The following MGAT4C variants were observed in gnomAD, a reference collection of about 807,000 sequenced individuals.
MGAT4C encodes the protein MGAT4 family member C, also known as alpha-1,3-mannosyl-glycoprotein 4-beta-N-acetylglucosaminyltransferase C.
Under a neutral mutation model 40.1 loss-of-function variants are expected in MGAT4C, and 19 were observed. The ratio of observed to expected loss-of-function variants is 0.47; its 90% CI spans 0.33 to 0.70. The LOEUF is 0.70. Ranked by LOEUF, MGAT4C falls within the 30% of genes least tolerant of loss-of-function variation. The probability of loss-of-function intolerance (pLI) is 0.02; values close to 1 mark genes in which losing one functional copy is unlikely to be tolerated. For synonymous variants in MGAT4C, 181 were observed against 187.1 expected (o/e 0.97, Z 0.27); for missense variants, 491 against 563.2 (o/e 0.87, Z 1.30).
intron 2 of MGAT4C, among the ~76,000 whole-genome samples, chr12:86,631,769 G>C (rs1008116695): frequency 6.6e-6 from 1 of 152,096 alleles, no homozygotes; most frequent in African/African-American, 2.4e-5. Flanking sequence ...ATGGATTAAA[G>C]ACTTAAATGT....
chr12:86,342,084 G>T (rs1003808045), intron 3 of MGAT4C, among the ~76,000 whole-genome samples: 8 of 152,032 alleles, frequency 5.3e-5, no homozygotes, highest in African/African-American at 1.7e-4. Flanking sequence ...GGGGTCTCCA[G>T]CCATTTCTTA....
At chr12:86,660,211 G>A (rs903010413) in intron 2 of MGAT4C, among the ~76,000 whole-genome samples, 1 of 152,084 alleles carries the variant, frequency 6.6e-6, no homozygotes, top group Admixed American at 6.6e-5. Context: ...TAGATGTAGA[G>A]CCATTAACAA....
intron 2 of MGAT4C, among the ~76,000 whole-genome samples, chr12:86,039,824 G>C (rs1891628435): frequency 6.6e-6 from 1 of 152,152 alleles, no homozygotes; most frequent in Admixed American, 6.5e-5. Context: ...GTAATTGTCA[G>C]CCTTTTTGCA....
intron 2 of MGAT4C, among the ~76,000 whole-genome samples, chr12:86,448,567 T>G (rs966714252): frequency 1.3e-5 from 2 of 152,218 alleles, no homozygotes; most frequent in African/African-American, 4.8e-5. Context: ...GCAGGAACTT[T>G]TGTTTGTTTG....
intron 2 of MGAT4C, among the ~76,000 whole-genome samples, chr12:86,529,287 T>A (rs1455839716): frequency 6.6e-6 from 1 of 152,078 alleles, no homozygotes; most frequent in East Asian, 1.9e-4. Flanking sequence ...TAAATGTCAC[T>A]CTTATCTTTG....
intron 1 of MGAT4C, among the ~76,000 whole-genome samples, chr12:86,808,514 A>C (rs1455056798): frequency 3.9e-5 from 6 of 152,086 alleles, no homozygotes; most frequent in Non-Finnish European, 7.4e-5. Context: ...CATAAACAGA[A>C]CTAAAGACAA....
chr12:86,658,523 C>G (rs904046194), intron 2 of MGAT4C, among the ~76,000 whole-genome samples: 1 of 152,010 alleles, frequency 6.6e-6, no homozygotes, highest in African/African-American at 2.4e-5. Flanking sequence ...ACAGTAATTA[C>G]TGTCAAGAGG....
chr12:86,074,277 G>C (rs1226174809), intron 1 of MGAT4C, among the ~76,000 whole-genome samples: 1 of 151,936 alleles, frequency 6.6e-6, no homozygotes, highest in African/African-American at 2.4e-5. Flanking sequence ...TTTATCAGCA[G>C]TGTGAAAACG....
intron 2 of MGAT4C, among the ~76,000 whole-genome samples, chr12:86,498,997 G>A (rs1328641145): frequency 6.6e-6 from 1 of 151,920 alleles, no homozygotes; most frequent in Non-Finnish European, 1.5e-5. Context: ...ATTTCCAAAA[G>A]AGAATCCATT....
At chr12:86,460,334 ACTC>A (rs900340666) in intron 2 of MGAT4C, among the ~76,000 whole-genome samples, 9 of 152,034 alleles carry the variant, frequency 5.9e-5, no homozygotes, top group Non-Finnish European at 1.3e-4. Context: ...GATTAGGTAA[ACTC>A]CTTCCTATGT....
intron 1 of MGAT4C, among the ~76,000 whole-genome samples, chr12:86,200,297 T>G (rs1381169298): frequency 6.6e-6 from 1 of 151,940 alleles, no homozygotes; most frequent in African/African-American, 2.4e-5. Flanking sequence ...TAATGAACAC[T>G]TGGTAGTTTC....
At chr12:86,807,353 A>G (rs1566003638) in intron 1 of MGAT4C, among the ~76,000 whole-genome samples, 1 of 151,934 alleles carries the variant, frequency 6.6e-6, no homozygotes, top group Non-Finnish European at 1.5e-5. Flanking sequence ...TTTAGCTCCC[A>G]CTTATAAGTG....
rs112085584 is a variant in MGAT4C, at chr12:86,746,384, G to A, written c.-261-19143C>T. On this transcript the variant is annotated intron_variant, in intron 1 of 7. Coordinates refer to the MGAT4C transcript ENST00000548651. ...AAGCTTTTGGTGATCTGTTATTTAT[G>A]TTGCTCAGGAGACCACAAGTATAAT... 8.8e-4 allele frequency among the ~76,000 whole-genome samples: 133 copies of A among 151,600 alleles called. 3 individuals carry two copies. Among genetic ancestry groups the A allele is most frequent in the African/African-American group, 1.9e-3 (80 of 41,450 alleles).
rs1395384272 is a variant in MGAT4C at position 86,451,988 on chromosome 12, AT to A, written c.-228-16724del. ...ACCTGAGTGACTATTCTATTACTTA[AT>A]TTTTCTCTTGGTTTTCAATCATTCG... On this transcript the variant is annotated intron_variant, in intron 2 of 7. Coordinates refer to the MGAT4C transcript ENST00000548651. Among the ~76,000 whole-genome samples the A allele has an allele frequency of 3.3e-5, 5 of 151,912 alleles. No individual in the cohort carries two copies. In the East Asian group the frequency reaches 9.7e-4, roughly 29 times the overall value.
At chr12:86,013,753 C>T (rs1888763419) in intron 2 of MGAT4C, 10 of 981,300 alleles carry the variant, frequency 1.0e-5, no homozygotes, top group Middle Eastern at 5.2e-4. Flanking sequence ...GTCAGGTCCA[C>T]AGAATCTTAG....
intron 2 of MGAT4C, among the ~76,000 whole-genome samples, chr12:86,557,600 A>G (rs185335558): frequency 6.6e-6 from 1 of 152,228 alleles, no homozygotes; most frequent in African/African-American, 2.4e-5. Context: ...AGTCATGAGG[A>G]AGTCATGGAC....
chr12:86,819,901 A>G (rs1952677255), intron 1 of MGAT4C, among the ~76,000 whole-genome samples: 1 of 150,762 alleles, frequency 6.6e-6, no homozygotes, highest in Non-Finnish European at 1.5e-5. Flanking sequence ...TATTTAACAA[A>G]TAAGTAAAGC....
chr12:86,352,203 TTAA>T (rs1424894622), intron 3 of MGAT4C, among the ~76,000 whole-genome samples: 7 of 152,100 alleles, frequency 4.6e-5, no homozygotes, highest in African/African-American at 1.7e-4. Flanking sequence ...CCTGGTAATA[TTAA>T]TAATGTCTTA....
chr12:86,330,738 AGGC>A (rs1954644904), intron 4 of MGAT4C, among the ~76,000 whole-genome samples: 1 of 152,212 alleles, frequency 6.6e-6, no homozygotes, highest in Admixed American at 6.5e-5. Flanking sequence ...GCACTATGCT[AGGC>A]ACTGTATATA....
Sources: gnomAD v4.1 joint callset for allele counts (sites outside exome capture counted in the v4.1 genomes callset) on GRCh38, gnomAD v4.1.1 for gene constraint, MANE v1.5 for transcripts, NCBI Gene and HGNC (gene_info 2026-07-23, HGNC 2026-07-21) for gene names.